The following SYT1 variants were observed in gnomAD, a reference collection of about 807,000 sequenced individuals.
SYT1 encodes the protein synaptotagmin-1.
Under a neutral mutation model 44.8 loss-of-function variants are expected in SYT1, and 8 were observed. That is an observed-to-expected ratio of 0.18 (90% CI 0.10 to 0.32). The LOEUF (loss-of-function observed/expected upper bound fraction) is 0.32, where lower values mean the gene tolerates loss of function less well. Among genes scored for constraint, SYT1 ranks in the 10% least tolerant of loss-of-function variants. The pLI is 1.00. For missense variants in SYT1, 286 were observed against 509.3 expected (o/e 0.56, Z 4.22); for synonymous variants, 154 against 188.8 (o/e 0.82, Z 1.51).
chr12:79,341,578 G>A (rs1882375715), intron 8 of SYT1, among the ~76,000 whole-genome samples: 1 of 151,540 alleles, frequency 6.6e-6, no homozygotes, highest in Admixed American at 6.6e-5. Context: ...GTGTTCTCAG[G>A]AAGAAGAGCG....
chr12:78,905,059 T>C (rs1875887939), intron 1 of SYT1, among the ~76,000 whole-genome samples: 1 of 152,190 alleles, frequency 6.6e-6, no homozygotes, highest in Admixed American at 6.6e-5. Context: ...GTTGTTATTG[T>C]TCTTACCTGA....
At chr12:79,220,685 C>T (rs1875105005) in intron 4 of SYT1, among the ~76,000 whole-genome samples, 1 of 151,668 alleles carries the variant, frequency 6.6e-6, no homozygotes, top group South Asian at 2.1e-4. Flanking sequence ...CTTCAGTGAC[C>T]CATTATTTAT....
chr12:79,114,740 A>T (rs1879188168), intron 3 of SYT1, among the ~76,000 whole-genome samples: 1 of 152,168 alleles, frequency 6.6e-6, no homozygotes, highest in Non-Finnish European at 1.5e-5. Flanking sequence ...TGATGTGTTT[A>T]CTTCTTGTCA....
intron 8 of SYT1, among the ~76,000 whole-genome samples, chr12:79,302,984 T>C (rs946141390): frequency 6.6e-6 from 1 of 152,192 alleles, no homozygotes; most frequent in East Asian, 1.9e-4. Flanking sequence ...GTAATCAGTA[T>C]ATAATTCTTC....
chr12:79,253,677 G>A (rs1404828372), intron 4 of SYT1, among the ~76,000 whole-genome samples: 2 of 152,130 alleles, frequency 1.3e-5, no homozygotes, highest in East Asian at 3.8e-4. Flanking sequence ...GGCTTAGTGA[G>A]GAAGGCATGT....
chr12:79,029,403 G>A (rs1204072828), intron 2 of SYT1, among the ~76,000 whole-genome samples: 3 of 149,132 alleles, frequency 2.0e-5, no homozygotes, highest in African/African-American at 7.4e-5. Context: ...CTGGAAAGTT[G>A]TAGTGCTGGA....
chr12:79,064,975 A>AGAAAGAAAGAAAGAAAGAAG (rs1875711683), intron 3 of SYT1, among the ~76,000 whole-genome samples: 8 of 149,308 alleles, frequency 5.4e-5, no homozygotes, highest in African/African-American at 2.0e-4. Context: ...AAAGAAAGAA[A>AGAAAGAAAGAAAGAAAGAAG]GAAAGAAAGA....
At chr12:79,262,455 A>G (rs1253214596) in intron 4 of SYT1, among the ~76,000 whole-genome samples, 4 of 69,450 alleles carry the variant, frequency 5.8e-5, no homozygotes. Flanking sequence ...CACTTTTTAC[A>G]AGAAATATAC....
At chr12:79,311,564 C>T (rs1880793094) in intron 8 of SYT1, among the ~76,000 whole-genome samples, 1 of 148,094 alleles carries the variant, frequency 6.8e-6, no homozygotes, top group Non-Finnish European at 1.5e-5. Flanking sequence ...AAGACACATG[C>T]ACCCGTATGT....
intron 9 of SYT1, among the ~76,000 whole-genome samples, chr12:79,367,777 T>G (rs539684243): frequency 6.6e-6 from 1 of 152,164 alleles, no homozygotes; most frequent in East Asian, 1.9e-4. Flanking sequence ...AATAGTTCAG[T>G]TAAAGCATAT....
chr12:78,905,083 T>C (rs1875890179), intron 1 of SYT1, among the ~76,000 whole-genome samples: 1 of 152,156 alleles, frequency 6.6e-6, no homozygotes, highest in Non-Finnish European at 1.5e-5. Flanking sequence ...CATCCAATAG[T>C]AGGCACTGAT....
intron 3 of SYT1, among the ~76,000 whole-genome samples, chr12:79,207,533 A>G (rs963549125): frequency 6.6e-6 from 1 of 152,140 alleles, no homozygotes; most frequent in Non-Finnish European, 1.5e-5. Context: ...TGCCCCACCA[A>G]CAAGCCCCGG....
chr12:78,877,180 C>A (rs1362851636), intron 1 of SYT1, among the ~76,000 whole-genome samples: 1 of 150,966 alleles, frequency 6.6e-6, no homozygotes, highest in Non-Finnish European at 1.5e-5. Context: ...TTCACAGTTC[C>A]ACATGGGTGG....
intron 2 of SYT1, among the ~76,000 whole-genome samples, chr12:79,005,992 A>G (rs996868018): frequency 1.3e-5 from 2 of 152,074 alleles, no homozygotes; most frequent in African/African-American, 4.8e-5. Context: ...ATTGTTTTGC[A>G]TTGAAAGTGT....
At chr12:79,179,089 T>G (rs911743157) in intron 3 of SYT1, among the ~76,000 whole-genome samples, 11 of 120,780 alleles carry the variant, frequency 9.1e-5, no homozygotes, top group African/African-American at 3.2e-4. Context: ...TAGATATAGA[T>G]ATATAGATAT....
chr12:79,318,300 A>C (rs1157266962), intron 8 of SYT1, among the ~76,000 whole-genome samples: 1 of 152,064 alleles, frequency 6.6e-6, no homozygotes, highest in Non-Finnish European at 1.5e-5. Flanking sequence ...AAATTCCTCA[A>C]ATAAGGAGTT....
intron 3 of SYT1, among the ~76,000 whole-genome samples, chr12:79,114,573 T>A (rs1417338236): frequency 6.6e-6 from 1 of 152,214 alleles, no homozygotes; most frequent in Non-Finnish European, 1.5e-5. Flanking sequence ...TCTGGGGTTT[T>A]ATCCAACTTT....
intron 1 of SYT1, among the ~76,000 whole-genome samples, chr12:78,968,997 T>C (rs1185132850): frequency 6.6e-6 from 1 of 152,162 alleles, no homozygotes; most frequent in Non-Finnish European, 1.5e-5. Flanking sequence ...AAAATATATA[T>C]GCAGTGACCC....
intron 4 of SYT1, among the ~76,000 whole-genome samples, chr12:79,245,532 G>A (rs1427822127): frequency 1.3e-5 from 2 of 149,158 alleles, no homozygotes; most frequent in African/African-American, 4.9e-5. Flanking sequence ...GTATGTATTC[G>A]TGCAGAACTT....
Sources: allele counts gnomAD v4.1 joint callset (sites outside exome capture counted in the v4.1 genomes callset), GRCh38; gene constraint gnomAD v4.1.1; transcripts MANE v1.5; gene names NCBI Gene and HGNC (gene_info 2026-07-23, HGNC 2026-07-21).